Variants in LRP1B observed in about 807,000 individuals in gnomAD.
The protein encoded by LRP1B is low-density lipoprotein receptor-related protein 1B.
In LRP1B, 217 loss-of-function variants were observed where a neutral mutation model predicts 556.6. That is an observed-to-expected ratio of 0.39 (90% CI 0.35 to 0.44). The LOEUF is 0.44. Among genes scored for constraint, LRP1B ranks in the 20% least tolerant of loss-of-function variants. The probability of loss-of-function intolerance (pLI) is 1.00; values close to 1 mark genes in which losing one functional copy is unlikely to be tolerated. For synonymous variants in LRP1B, 2,047 were observed against 1,865.8 expected, an observed-to-expected ratio of 1.10 and a Z score of -2.50; for missense variants, 5,053 against 5,620.8, an observed-to-expected ratio of 0.90 and a Z score of 3.23.
intron 2 of LRP1B, among the ~76,000 whole-genome samples, chr2:141,609,122 A>G (rs901613990): frequency 3.3e-5 from 5 of 152,244 alleles, no homozygotes; most frequent in African/African-American, 1.2e-4. Context: ...TTACGTCAAC[A>G]ATGGACCATC....
intron 7 of LRP1B, among the ~76,000 whole-genome samples, chr2:141,124,814 GTTC>G (rs1439290764): frequency 1.3e-5 from 2 of 151,966 alleles, no homozygotes; most frequent in Non-Finnish European, 2.9e-5. Context: ...AAAAGACTCA[GTTC>G]TTTTTTCTAT....
intron 60 of LRP1B, among the ~76,000 whole-genome samples, chr2:140,466,427 A>T (rs1489439100): frequency 6.6e-6 from 1 of 152,142 alleles, no homozygotes; most frequent in Non-Finnish European, 1.5e-5. Flanking sequence ...TTCCAGAGCA[A>T]TAAACAAACA....
intron 67 of LRP1B, among the ~76,000 whole-genome samples, chr2:140,383,408 C>A (rs1573871892): frequency 6.6e-6 from 1 of 151,738 alleles, no homozygotes; most frequent in Admixed American, 6.6e-5. Flanking sequence ...AAGCTTGTTT[C>A]TATATGACTA....
intron 83 of LRP1B, among the ~76,000 whole-genome samples, chr2:140,299,618 C>G (rs986419531): frequency 6.6e-6 from 1 of 151,984 alleles, no homozygotes. Flanking sequence ...AACACAGTAT[C>G]TTCACTGGCA....
In LRP1B at chr2:140,951,870, G is replaced by A. The variant is rs757942223; in HGVS notation, c.2958C>T (p.His986=). ...KSGRCISSKW[H]CDSDDDCGDG... is the part of the protein sequence containing the mutation. ...GCATTTGGTACTTGCCAGAGTCGCA[G>A]TGCCATTTGCTGCTAATGCATCTTC... Residue 986 remains histidine (H), a synonymous_variant, in exon 19 of 91, where the codon CAC becomes CAT. Transcript: ENST00000389484. The A allele has an allele frequency of 1.9e-6, 3 of 1,613,330 alleles. No homozygotes were observed. The highest frequency in any genetic ancestry group is 2.5e-6 in the Non-Finnish European group (3 of 1,179,402).
At chr2:141,413,209 G>A (rs1295355193) in intron 3 of LRP1B, among the ~76,000 whole-genome samples, 1 of 152,160 alleles carries the variant, frequency 6.6e-6, no homozygotes, top group Non-Finnish European at 1.5e-5. Context: ...CTGGGCAACA[G>A]AGTGAGACAC....
chr2:140,330,437 A>G (rs1442265626), intron 79 of LRP1B, among the ~76,000 whole-genome samples: 3 of 151,738 alleles, frequency 2.0e-5, no homozygotes, highest in Non-Finnish European at 2.9e-5. Flanking sequence ...CAACCATCTG[A>G]TTTTCAACAA....
intron 79 of LRP1B, among the ~76,000 whole-genome samples, chr2:140,328,522 C>T (rs149273963): frequency 4.0e-4 from 61 of 151,294 alleles, no homozygotes; most frequent in African/African-American, 1.5e-3. Context: ...TGTGAAATGA[C>T]CACAGTATTA....
intron 2 of LRP1B, among the ~76,000 whole-genome samples, chr2:141,552,243 A>T (rs1025868691): frequency 6.6e-6 from 1 of 152,012 alleles, no homozygotes; most frequent in African/African-American, 2.4e-5. Flanking sequence ...TAAAAGCTAT[A>T]TTGGTGTCAT....
intron 2 of LRP1B, among the ~76,000 whole-genome samples, chr2:141,595,723 T>C (rs1486382705): frequency 1.3e-5 from 2 of 152,068 alleles, no homozygotes; most frequent in Non-Finnish European, 2.9e-5. Context: ...AGTCACAGGT[T>C]CCCGTTGCCA....
At position 140,746,360 on chromosome 2, in the gene LRP1B, G is replaced by T. The variant is rs188877211; in HGVS notation, c.5758+22853C>A. Among the ~76,000 whole-genome samples, 78 of 152,190 alleles carry T rather than the reference G, an allele frequency of 5.1e-4. 1 individual carries two copies. In the Middle Eastern group the frequency reaches 0.02, roughly 40 times the overall value. ...CTAAAACGAATCATTTTTAATCTAAGTTAAAAATTTAGCAAATAACTTTTT... is the reference window on the plus strand; with the variant it reads ...CTAAAACGAATCATTTTTAATCTAATTTAAAAATTTAGCAAATAACTTTTT... On this transcript the variant is annotated intron_variant, in intron 35 of 90. Transcript: ENST00000389484.
At chr2:140,350,729 T>C in intron 77 of LRP1B, 68 bp downstream of exon 77, 3 of 1,402,074 alleles carry the variant, frequency 2.1e-6, no homozygotes, top group East Asian at 4.8e-5. Context: ...TTATATTAGA[T>C]AAATTTTGTT....
chr2:141,444,361 A>G (rs999406980), intron 3 of LRP1B, among the ~76,000 whole-genome samples: 1 of 152,204 alleles, frequency 6.6e-6, no homozygotes, highest in Non-Finnish European at 1.5e-5. Flanking sequence ...TAAATATACA[A>G]TCATGTCATC....
At chr2:141,455,206 A>G (rs1331910405) in intron 3 of LRP1B, among the ~76,000 whole-genome samples, 2 of 151,962 alleles carry the variant, frequency 1.3e-5, no homozygotes, top group Non-Finnish European at 2.9e-5. Context: ...CAATTATGGA[A>G]TGAATCTGAT....
chr2:141,226,981 CTTAT>C (rs1278727800), intron 6 of LRP1B, among the ~76,000 whole-genome samples: 1 of 152,118 alleles, frequency 6.6e-6, no homozygotes, highest in African/African-American at 2.4e-5. Context: ...TTCCAGTGAA[CTTAT>C]TTTTTATTAT....
intron 32 of LRP1B, among the ~76,000 whole-genome samples, chr2:140,785,071 G>A (rs1348396136): frequency 6.6e-6 from 1 of 152,070 alleles, no homozygotes; most frequent in Non-Finnish European, 1.5e-5. Flanking sequence ...CTAGAGTGAA[G>A]GAGTAATGAT....
intron 1 of LRP1B, among the ~76,000 whole-genome samples, chr2:141,944,435 T>C (rs1252981317): frequency 6.6e-6 from 1 of 152,190 alleles, no homozygotes; most frequent in East Asian, 1.9e-4. Flanking sequence ...TGGATACCTA[T>C]TGCAGTTAGT....
rs562657615 is a variant in LRP1B at position 140,311,925 on chromosome 2, T to C, written c.12805+3010A>G. ...TTGATATCCTTTACTACATATGTTTTGTCATTAGTTTCATAATGTTCTGAA... is the reference window on the plus strand; with the variant it reads ...TTGATATCCTTTACTACATATGTTTCGTCATTAGTTTCATAATGTTCTGAA... On this transcript the variant is annotated intron_variant, in intron 83 of 90. Coordinates refer to ENST00000389484, the MANE Select transcript of LRP1B (RefSeq NM_018557.3). 7.2e-5 allele frequency among the ~76,000 whole-genome samples: 11 copies of C among 152,044 alleles called. 1 individual carries two copies. In the South Asian group the frequency reaches 8.3e-4, roughly 11 times the overall value.
At chr2:140,918,537 G>A (rs945553925) in intron 21 of LRP1B, among the ~76,000 whole-genome samples, 9 of 152,098 alleles carry the variant, frequency 5.9e-5, no homozygotes, top group Admixed American at 5.9e-4. Flanking sequence ...TGAAAGCAAA[G>A]TGTCTGCTTC....
Sources: gnomAD v4.1 joint callset for allele counts (sites outside exome capture counted in the v4.1 genomes callset) on GRCh38, gnomAD v4.1.1 for gene constraint, MANE v1.5 for transcripts, NCBI Gene and HGNC (gene_info 2026-07-23, HGNC 2026-07-21) for gene names.